The following PHACTR2 variants were observed in gnomAD, a reference collection of about 807,000 sequenced individuals.
The protein encoded by PHACTR2 is phosphatase and actin regulator 2.
PHACTR2 carries 30 observed loss-of-function variants against 76.0 expected under a neutral mutation model. That is an observed-to-expected ratio of 0.39 (90% CI 0.30 to 0.54). The LOEUF (loss-of-function observed/expected upper bound fraction) is 0.54. Ranked by LOEUF, PHACTR2 falls within the 20% of genes least tolerant of loss-of-function variation. The pLI, the probability that PHACTR2 is intolerant of heterozygous loss-of-function variation, is 0.61. For synonymous variants in PHACTR2, 292 were observed against 292.5 expected, an observed-to-expected ratio of 1.00 and a Z score of 0.02; for missense variants, 696 against 781.1, an observed-to-expected ratio of 0.89 and a Z score of 1.30.
chr6:143,805,889 G>C (rs9390140), intron 11 of PHACTR2, among the ~76,000 whole-genome samples: 45,637 of 152,024 alleles, frequency 0.3, 7,029 homozygotes, highest in South Asian at 0.39. Flanking sequence ...TTATGAGAGA[G>C]AGCTAGAGAC....
rs1041946466 is a variant in PHACTR2 at position 143,619,706 on chromosome 6, T to C, written c.13+11384T>C. Reference sequence around the variant, plus strand: ...TTTAATTTACCACCTGCTGCATGCCTCTGCACTTCACATCCTGGGTCTTAT... The same window carrying C: ...TTTAATTTACCACCTGCTGCATGCCCCTGCACTTCACATCCTGGGTCTTAT... On this transcript the variant is annotated intron_variant, in intron 1 of 11. Coordinates refer to the PHACTR2 transcript ENST00000305766. This position sits in a 1 kb window ranked among gnomAD's most constrained non-coding sequence, Gnocchi z 4.5. 3.3e-5 allele frequency among the ~76,000 whole-genome samples: 5 copies of C among 152,220 alleles called. No individual in the cohort carries two copies. The highest frequency in any genetic ancestry group is 9.7e-5 in the African/African-American group (4 of 41,446).
rs1776194646 is a variant in PHACTR2, at chr6:143,623,325, T to C, written c.13+15003T>C. Among the ~76,000 whole-genome samples, 1 of 152,134 alleles carries C rather than the reference T, an allele frequency of 6.6e-6. No homozygotes were observed. The highest frequency in any genetic ancestry group is 2.4e-5 in the African/African-American group (1 of 41,432). Reference sequence around the variant, plus strand: ...GAGAGAGAAAAAAATGTCATCATAATACCCAAATGAAGGCCCAGGTGAGCA... The same window carrying C: ...GAGAGAGAAAAAAATGTCATCATAACACCCAAATGAAGGCCCAGGTGAGCA... On this transcript the variant is annotated intron_variant, in intron 1 of 11. Transcript: ENST00000305766. The surrounding 1 kb of genome is among the most constrained non-coding windows in gnomAD (Gnocchi z 5.9).
At chr6:143,771,220 A>ATATATG (rs1775125855) in intron 6 of PHACTR2, among the ~76,000 whole-genome samples, 1 of 101,522 alleles carries the variant, frequency 9.9e-6, no homozygotes, top group African/African-American at 4.4e-5. Context: ...ATATATATAT[A>ATATATG]TATATATATA....
intron 1 of PHACTR2, among the ~76,000 whole-genome samples, chr6:143,631,967 A>G (rs918128550): frequency 6.6e-6 from 1 of 152,198 alleles, no homozygotes; most frequent in African/African-American, 2.4e-5. Flanking sequence ...AATTGAAACT[A>G]ATACATGAAA....
intron 1 of PHACTR2, among the ~76,000 whole-genome samples, chr6:143,682,677 A>C (rs1344651721): frequency 2.0e-5 from 3 of 152,146 alleles, no homozygotes; most frequent in African/African-American, 7.2e-5. Context: ...TTTCTTACTT[A>C]ATAGTTCTGG....
At chr6:143,690,671 T>C (rs1049900838) in intron 1 of PHACTR2, among the ~76,000 whole-genome samples, 6 of 152,214 alleles carry the variant, frequency 3.9e-5, no homozygotes, top group Admixed American at 3.3e-4. Flanking sequence ...CTTTAGCAGA[T>C]AGCTTTTAAC....
chr6:143,702,211 G>A (rs185416389), intron 1 of PHACTR2, among the ~76,000 whole-genome samples: 12 of 146,302 alleles, frequency 8.2e-5, no homozygotes, highest in Admixed American at 2.8e-4. Context: ...TGGTTCAAGC[G>A]ATCCTCCTGC....
rs1777336827 is a variant in PHACTR2 at position 143,679,631 on chromosome 6, A to AT, written c.46+1426dup. Reference sequence around the variant, plus strand: ...AGAAAGTATTGTCCTGAATTTAGTGATTTTATCACAAAATATTACTCGAGT... The same window carrying AT: ...AGAAAGTATTGTCCTGAATTTAGTGATTTTTATCACAAAATATTACTCGAGT... On this transcript the variant is annotated intron_variant, in intron 1 of 12. Transcript: ENST00000440869. The surrounding 1 kb of genome is among the most constrained non-coding windows in gnomAD (Gnocchi z 4.6). Among the ~76,000 whole-genome samples the AT allele has an allele frequency of 6.6e-6, 1 of 152,296 alleles. No homozygotes were observed. The highest frequency in any genetic ancestry group is 2.1e-4 in the South Asian group (1 of 4,832).
Position 143,589,730 on chromosome 6 carries a change from T to A in PHACTR2, c.217+52523T>A, listed in dbSNP as rs1288686211. Among the ~76,000 whole-genome samples the A allele has an allele frequency of 6.6e-6, 1 of 152,166 alleles. No individual in the cohort carries two copies. Among genetic ancestry groups the A allele is most frequent in the Admixed American group, 6.5e-5 (1 of 15,270 alleles). Reference sequence around the variant, plus strand: ...TTAAAGGCCCTATCTCCAAATACAGTCACATTTCAAGGTCCTGGAAGCCAG... The same window carrying A: ...TTAAAGGCCCTATCTCCAAATACAGACACATTTCAAGGTCCTGGAAGCCAG... On this transcript the variant is annotated intron_variant, in intron 1 of 11. Transcript: ENST00000367584. This position sits in a 1 kb window ranked among gnomAD's most constrained non-coding sequence, Gnocchi z 4.4.
chr6:143,747,180 C>A (rs1582836369), intron 2 of PHACTR2, among the ~76,000 whole-genome samples: 1 of 152,168 alleles, frequency 6.6e-6, no homozygotes, highest in South Asian at 2.1e-4. Context: ...GAGATTCCAT[C>A]CACGAATTGT....
intron 1 of PHACTR2, among the ~76,000 whole-genome samples, chr6:143,631,888 T>C (rs1449632840): frequency 6.6e-6 from 1 of 152,238 alleles, no homozygotes; most frequent in African/African-American, 2.4e-5. Flanking sequence ...GTCCCTTTTT[T>C]GATCAAATTT....
chr6:143,626,283 A>G (rs55854171), intron 1 of PHACTR2, among the ~76,000 whole-genome samples: 40,071 of 152,048 alleles, frequency 0.26, 7,020 homozygotes, highest in Non-Finnish European at 0.39. Context: ...CACGCCCGTA[A>G]TCCCAGCACT....
chr6:143,604,992 G>A (rs1562245642), upstream of PHACTR2, among the ~76,000 whole-genome samples: 1 of 105,300 alleles, frequency 9.5e-6, no homozygotes, highest in African/African-American at 3.1e-5. Context: ...TTGCTAATAG[G>A]GTTTTTTTTT....
At chr6:143,724,477 A>G (rs1778514563) in intron 2 of PHACTR2, among the ~76,000 whole-genome samples, 2 of 152,060 alleles carry the variant, frequency 1.3e-5, no homozygotes, top group Admixed American at 6.5e-5. Flanking sequence ...TTTCCAGACT[A>G]GAGCAAAGGA....
At chr6:143,694,662 G>C (rs1777729510) in intron 1 of PHACTR2, among the ~76,000 whole-genome samples, 1 of 152,202 alleles carries the variant, frequency 6.6e-6, no homozygotes, top group Non-Finnish European at 1.5e-5. Context: ...GAAAGAAAAT[G>C]AATAAGCGTG....
rs1246028809 is a variant in PHACTR2 at position 143,571,140 on chromosome 6, G to C, written c.217+33933G>C. Among the ~76,000 whole-genome samples the C allele has an allele frequency of 3.9e-5, 6 of 152,196 alleles. No homozygotes were observed. Among genetic ancestry groups the C allele is most frequent in the Non-Finnish European group, 8.8e-5 (6 of 68,038 alleles). ...AAATCAAGAAGGGAATGTAGGTAAA[G>C]AGCAGTACAGTACAGTACTTCTAAC... On this transcript the variant is annotated intron_variant, in intron 1 of 11. Transcript: ENST00000367584. This position sits in a 1 kb window ranked among gnomAD's most constrained non-coding sequence, Gnocchi z 4.6.
chr6:143,582,642 A>C (rs1775589291), intron 1 of PHACTR2, among the ~76,000 whole-genome samples: 1 of 152,174 alleles, frequency 6.6e-6, no homozygotes, highest in Non-Finnish European at 1.5e-5. Flanking sequence ...CAAACGATAG[A>C]AATTACAGGG....
chr6:143,771,822 A>G (rs990728288), intron 6 of PHACTR2, among the ~76,000 whole-genome samples: 1 of 152,066 alleles, frequency 6.6e-6, no homozygotes. Context: ...CTTTTCCAGG[A>G]ACTTGTGGGA....
rs1332226209 is a variant in PHACTR2 at position 143,710,008 on chromosome 6, C to T, written c.47-2008C>T. On this transcript the variant is annotated intron_variant, in intron 1 of 12. Transcript: ENST00000440869. This position sits in a 1 kb window ranked among gnomAD's most constrained non-coding sequence, Gnocchi z 4.9. Reference sequence around the variant, plus strand: ...AGGGTGGAAATCTAGTAACTCCATTCAGCCTTTGCTGGCATGCATGGTCAC... The same window carrying T: ...AGGGTGGAAATCTAGTAACTCCATTTAGCCTTTGCTGGCATGCATGGTCAC... Among the ~76,000 whole-genome samples, 1 of 152,168 alleles carries T rather than the reference C, an allele frequency of 6.6e-6. No individual in the cohort carries two copies. Among genetic ancestry groups the T allele is most frequent in the African/African-American group, 2.4e-5 (1 of 41,436 alleles).
Sources: gnomAD v4.1 joint callset for allele counts (sites outside exome capture counted in the v4.1 genomes callset) on GRCh38, gnomAD v4.1.1 for gene constraint, Gnocchi (gnomAD v3.1) non-coding constraint, MANE v1.5 for transcripts, NCBI Gene and HGNC (gene_info 2026-07-23, HGNC 2026-07-21) for gene names.